Variants in RELN observed in about 807,000 individuals in gnomAD.
The protein encoded by RELN is reelin.
A neutral mutation model predicts 427.6 loss-of-function variants in RELN; 108 were observed. The ratio of observed to expected loss-of-function variants is 0.25; its 90% confidence interval spans 0.22 to 0.30. RELN has a LOEUF of 0.30. Among genes scored for constraint, RELN ranks in the 10% least tolerant of loss-of-function variants. RELN has a pLI of 1.00. For missense variants in RELN, 3,715 were observed against 4,302.8 expected (o/e 0.86, Z 3.82); for synonymous variants, 1,524 against 1,513.4 (o/e 1.01, Z -0.16).
At chr7:103,806,828 T>C (rs1792612228) in intron 3 of RELN, among the ~76,000 whole-genome samples, 1 of 152,180 alleles carries the variant, frequency 6.6e-6, no homozygotes, top group South Asian at 2.1e-4. Flanking sequence ...TCAAGATAGA[T>C]GAAGCCAGGA....
intron 3 of RELN, among the ~76,000 whole-genome samples, chr7:103,792,329 A>G (rs1314294337): frequency 1.3e-5 from 2 of 152,340 alleles, no homozygotes; most frequent in East Asian, 3.9e-4. Context: ...ATGTCTGTCC[A>G]CAGATGATTG....
chr7:103,493,179 C>G (rs899087115), intron 57 of RELN, among the ~76,000 whole-genome samples: 1 of 152,004 alleles, frequency 6.6e-6, no homozygotes, highest in Non-Finnish European at 1.5e-5. Flanking sequence ...GAAAAGAGTA[C>G]TTAGTCAACT....
chr7:103,489,912 C>T lies in RELN; in HGVS notation c.9606-13G>A. On this transcript the variant is annotated splice_polypyrimidine_tract_variant and intron_variant, in intron 59 of 64. Coordinates refer to ENST00000428762, the MANE Select transcript of RELN (RefSeq NM_005045.4). ...GAACTGTGTTGCACTGAAAGAACCACAGAGAGCAGAAGGGATTCAGTAGGT... is the reference window on the plus strand; with the variant it reads ...GAACTGTGTTGCACTGAAAGAACCATAGAGAGCAGAAGGGATTCAGTAGGT... 3 of 1,614,052 alleles carry T rather than the reference C, an allele frequency of 1.9e-6. No individual in the cohort carries two copies. The highest frequency in any genetic ancestry group is 1.7e-6 in the Non-Finnish European group (2 of 1,180,008).
Position 103,903,703 on chromosome 7 carries a change from A to G in RELN, c.337+13372T>C, listed in dbSNP as rs149521418. Among the ~76,000 whole-genome samples the G allele has an allele frequency of 3.2e-3, 480 of 152,178 alleles. 3 individuals carry two copies. Among genetic ancestry groups the G allele is most frequent in the African/African-American group, 0.011 (462 of 41,532 alleles). On this transcript the variant is annotated intron_variant, in intron 2 of 64. Coordinates refer to ENST00000428762, the MANE Select transcript of RELN (RefSeq NM_005045.4). The stretch of plus-strand genomic sequence containing the variant: ...TATATGTTTCCTATATATGATTTAT[A>G]TACATATCAATTTTCTATATGATTC...
intron 1 of RELN, among the ~76,000 whole-genome samples, chr7:103,941,854 C>G (rs1280411939): frequency 6.6e-6 from 1 of 151,992 alleles, no homozygotes; most frequent in African/African-American, 2.4e-5. Flanking sequence ...GAACACTAGA[C>G]CACTGTGACA....
intron 2 of RELN, among the ~76,000 whole-genome samples, chr7:103,898,897 A>T (rs28376312): frequency 0.12 from 18,123 of 152,042 alleles, 1,379 homozygotes; most frequent in East Asian, 0.32. Context: ...GAAAGTAGAG[A>T]AGAAAAGTAT....
intron 29 of RELN, 127 bp from the exon 30 acceptor site, chr7:103,574,426 T>C: frequency 1.3e-6 from 1 of 786,576 alleles, no homozygotes; most frequent in Non-Finnish European, 2.2e-6. Context: ...CACATGAAAA[T>C]TTGTATCTCA....
intron 8 of RELN, among the ~76,000 whole-genome samples, chr7:103,718,716 C>A (rs1790003172): frequency 6.6e-6 from 1 of 152,084 alleles, no homozygotes; most frequent in African/African-American, 2.4e-5. Context: ...TTATGAGCAT[C>A]TATTTATTAT....
rs1199724429 is a variant in RELN, at chr7:103,558,063, C to A, written c.5530-14G>T. On this transcript the variant is annotated splice_polypyrimidine_tract_variant and intron_variant, in intron 36 of 64. Transcript: ENST00000428762. Reference sequence around the variant, plus strand: ...CCTTAGTCCTTCCTGAAAATAAAAACATATACGTTAAGCAACTTTTTTTCA... The same window carrying A: ...CCTTAGTCCTTCCTGAAAATAAAAAAATATACGTTAAGCAACTTTTTTTCA... 1 of 1,366,974 alleles carries A rather than the reference C, an allele frequency of 7.3e-7. No individual in the cohort carries two copies. The highest frequency in any genetic ancestry group is 2.3e-5 in the East Asian group (1 of 43,530). 84.7% of individuals were successfully genotyped at this position (1,366,974 alleles called of 1,614,324 possible). A position where few individuals can be genotyped will look rare whatever the true frequency, so the allele number is the denominator to read the frequency against.
chr7:103,732,975 C>A (rs1278701467), intron 6 of RELN, among the ~76,000 whole-genome samples: 1 of 152,034 alleles, frequency 6.6e-6, no homozygotes, highest in East Asian at 1.9e-4. Flanking sequence ...GTGTTTTAGA[C>A]ATGAAGTCCT....
chr7:103,687,946 G>T (rs1455314300), intron 10 of RELN, among the ~76,000 whole-genome samples: 1 of 151,922 alleles, frequency 6.6e-6, no homozygotes, highest in Non-Finnish European at 1.5e-5. Flanking sequence ...GTACAAATAG[G>T]CCTCATTGGG....
intron 37 of RELN, 47 bp from the exon 38 acceptor site, chr7:103,557,206 G>C (rs758709621): frequency 1.4e-6 from 2 of 1,468,772 alleles, no homozygotes; most frequent in East Asian, 4.6e-5. Flanking sequence ...GATAAAAATG[G>C]GGAAATGGTA....
chr7:103,874,717 C>G (rs62482295), intron 2 of RELN, among the ~76,000 whole-genome samples: 14,073 of 139,450 alleles, frequency 0.1, 947 homozygotes, highest in East Asian at 0.24. Context: ...AGGATACAAA[C>G]AAATAGAAGA....
intron 8 of RELN, among the ~76,000 whole-genome samples, chr7:103,710,033 A>G (rs1340184738): frequency 1.3e-5 from 2 of 152,234 alleles, no homozygotes; most frequent in Non-Finnish European, 2.9e-5. Flanking sequence ...ATGTGAACGT[A>G]TATTTATCAA....
chr7:103,632,490 G>A (rs1832491620), intron 19 of RELN, among the ~76,000 whole-genome samples: 2 of 152,172 alleles, frequency 1.3e-5, no homozygotes, highest in Admixed American at 1.3e-4. Context: ...GCTAATGCCA[G>A]GATTTGGACC....
chr7:103,686,345 T>A (rs2115719610), intron 10 of RELN, among the ~76,000 whole-genome samples: 1 of 152,234 alleles, frequency 6.6e-6, no homozygotes, highest in East Asian at 1.9e-4. Flanking sequence ...AAATACAAAG[T>A]GCGCTTTAAA....
intron 20 of RELN, among the ~76,000 whole-genome samples, chr7:103,619,903 T>C (rs953205567): frequency 2.0e-5 from 3 of 152,142 alleles, no homozygotes; most frequent in South Asian, 2.1e-4. Context: ...TGTTTGTAGA[T>C]GAGTTGTCAG....
chr7:103,556,452 A>C (rs1201498115), intron 38 of RELN, among the ~76,000 whole-genome samples: 3 of 151,884 alleles, frequency 2.0e-5, no homozygotes, highest in Non-Finnish European at 4.4e-5. Context: ...TATATGTTAA[A>C]TATTTAAATA....
intron 64 of RELN, among the ~76,000 whole-genome samples, chr7:103,477,093 G>T (rs968003730): frequency 1.2e-4 from 18 of 152,156 alleles, no homozygotes; most frequent in African/African-American, 4.1e-4. Context: ...AACAACAAAG[G>T]CTTCTTGGAA....
Sources: gnomAD v4.1 joint callset for allele counts (sites outside exome capture counted in the v4.1 genomes callset) on GRCh38, gnomAD v4.1.1 for gene constraint, MANE v1.5 for transcripts, NCBI Gene and HGNC (gene_info 2026-07-23, HGNC 2026-07-21) for gene names.